GREB1: variants seen among roughly 807,000 people sequenced by gnomAD.
The protein encoded by GREB1 is growth regulating estrogen receptor binding 1.
A neutral mutation model predicts 200.7 loss-of-function variants in GREB1; 106 were observed. The ratio of observed to expected loss-of-function variants is 0.53; its 90% CI spans 0.45 to 0.62. The LOEUF (loss-of-function observed/expected upper bound fraction) is 0.62, where lower values mean the gene tolerates loss of function less well. GREB1 is among the 20% of genes least tolerant of loss of function. GREB1 has a pLI of 0.00. For missense variants in GREB1, 2,243 were observed against 2,556.8 expected (o/e 0.88, Z 2.65); for synonymous variants, 1,132 against 1,092.4 (o/e 1.04, Z -0.72).
intron 1 of GREB1, among the ~76,000 whole-genome samples, chr2:11,555,171 T>C (rs1234623099): frequency 3.3e-5 from 5 of 152,176 alleles, no homozygotes; most frequent in African/African-American, 1.2e-4. Context: ...AAGTACAAGT[T>C]AAACCAAAGG....
In GREB1 at chr2:11,548,956, C is replaced by G. The variant is rs6710534; in HGVS notation, c.-161-7498C>G. Among the ~76,000 whole-genome samples, 27,006 of 152,090 alleles carry G rather than the reference C, an allele frequency of 0.18. 4,163 individuals carry two copies. The highest frequency in any genetic ancestry group is 0.42 in the African/African-American group (17,474 of 41,434). ...ATTATTTCATTATTTCCAATGTCCA[C>G]TATTGCTGTTGAGAAATCCAAAGTC... On this transcript the variant is annotated intron_variant, in intron 1 of 32. Transcript: ENST00000381486. The surrounding 1 kb of genome is among the most constrained non-coding windows in gnomAD (Gnocchi z 5.1).
intron 1 of GREB1, among the ~76,000 whole-genome samples, chr2:11,524,191 G>T (rs899613611): frequency 9.2e-5 from 14 of 152,180 alleles, no homozygotes; most frequent in African/African-American, 3.1e-4. Context: ...GGTGTTAGTT[G>T]TAGAAGACAA....
rs1229212862 is a variant in GREB1, at chr2:11,581,152, G to A, written c.901+320G>A. ...TTGGAGCAATAGTGGGCAGTGTGTT[G>A]TTGGGGAAGAACATGGGCTTCTGAA... is the stretch of plus-strand genomic sequence containing the variant. On this transcript the variant is annotated intron_variant, in intron 7 of 32. Transcript: ENST00000381486. 6.8e-6 allele frequency: 4 copies of A among 585,740 alleles called. No homozygotes were observed. In the East Asian group the frequency reaches 1.1e-4, roughly 16 times the overall value. 36.3% of individuals were successfully genotyped at this position (585,740 alleles called of 1,614,324 possible). A position where few individuals can be genotyped will look rare whatever the true frequency, so the allele number is the denominator to read the frequency against.
At chr2:11,552,928 T>A (rs974074784) in intron 1 of GREB1, among the ~76,000 whole-genome samples, 1 of 145,314 alleles carries the variant, frequency 6.9e-6, no homozygotes, top group Non-Finnish European at 1.5e-5. Flanking sequence ...GAGAATGGCG[T>A]GAACCCGGGA....
intron 23 of GREB1, among the ~76,000 whole-genome samples, chr2:11,624,913 A>G (rs1032399239): frequency 1.3e-5 from 2 of 152,286 alleles, no homozygotes; most frequent in Non-Finnish European, 2.9e-5. Flanking sequence ...GGAATCCAAA[A>G]GAGTGGACAC....
chr2:11,575,087 G>A (rs941897125), intron 4 of GREB1, among the ~76,000 whole-genome samples: 5 of 152,216 alleles, frequency 3.3e-5, no homozygotes, highest in Admixed American at 3.3e-4. Flanking sequence ...GAGTTATTCT[G>A]AACACTAGCC....
intron 1 of GREB1, among the ~76,000 whole-genome samples, chr2:11,546,153 G>C (rs1473708667): frequency 6.6e-6 from 1 of 151,782 alleles, no homozygotes; most frequent in East Asian, 1.9e-4. Flanking sequence ...CTCAAGCCTG[G>C]GTGACAGAGC....
chr2:11,499,886 C>T (rs1049030315), intron 1 of GREB1, among the ~76,000 whole-genome samples: 1 of 152,140 alleles, frequency 6.6e-6, no homozygotes, highest in East Asian at 1.9e-4. Context: ...TTAGTATCTG[C>T]AGATATCAGA....
At chr2:11,555,639 G>T (rs553862210) in intron 1 of GREB1, among the ~76,000 whole-genome samples, 1 of 152,242 alleles carries the variant, frequency 6.6e-6, no homozygotes, top group South Asian at 2.1e-4. Context: ...AAAAGACCTC[G>T]TACTGAATGA....
At chr2:11,484,102 C>T (rs2148389878) in intron 1 of GREB1, among the ~76,000 whole-genome samples, 1 of 152,268 alleles carries the variant, frequency 6.6e-6, no homozygotes, top group South Asian at 2.1e-4. Context: ...TGGTTTGTAG[C>T]ACTTTGTTAT....
At chr2:11,509,560 G>A (rs569176960) in intron 1 of GREB1, among the ~76,000 whole-genome samples, 1 of 152,176 alleles carries the variant, frequency 6.6e-6, no homozygotes, top group Admixed American at 6.5e-5. Flanking sequence ...TCCAGTTAAT[G>A]TTTGCTACGG....
Position 11,489,505 on chromosome 2 carries a change from C to A in GREB1, c.-159+7124C>A, listed in dbSNP as rs75041424. On this transcript the variant is annotated intron_variant, in intron 1 of 2. Transcript: ENST00000628795. ...AGAATGCTACTTTGAAGTCTTGCCC[C>A]CAAATGTAGGAGACAAAAGATCATT... Among the ~76,000 whole-genome samples, 1,352 of 152,120 alleles carry A rather than the reference C, an allele frequency of 8.9e-3. 20 individuals carry two copies. Among genetic ancestry groups the A allele is most frequent in the African/African-American group, 0.031 (1,303 of 41,500 alleles).
intron 1 of GREB1, among the ~76,000 whole-genome samples, chr2:11,483,077 G>C (rs1423937449): frequency 2.0e-5 from 3 of 151,882 alleles, no homozygotes; most frequent in African/African-American, 7.2e-5. Context: ...GCCGGACGCG[G>C]GCACTTCCTG....
At chr2:11,616,300 C>T (rs1034310414) in intron 20 of GREB1, among the ~76,000 whole-genome samples, 10 of 152,350 alleles carry the variant, frequency 6.6e-5, no homozygotes, top group Admixed American at 4.6e-4. Flanking sequence ...CCCTTCAGGG[C>T]GACGGCCAGA....
chr2:11,553,605 A>G (rs1023848024), intron 1 of GREB1, among the ~76,000 whole-genome samples: 1 of 151,010 alleles, frequency 6.6e-6, no homozygotes, highest in Middle Eastern at 3.4e-3. Flanking sequence ...TCTGCCGGCT[A>G]TGTATCTCTA....
chr2:11,560,458 T>C (rs781241031), intron 2 of GREB1, among the ~76,000 whole-genome samples: 54 of 152,248 alleles, frequency 3.5e-4, no homozygotes, highest in Non-Finnish European at 6.0e-4. Flanking sequence ...CTCAGCACTT[T>C]GGGAGGCCGA....
At position 11,588,728 on chromosome 2, in the gene GREB1, G is replaced by A. The variant is rs72772076; in HGVS notation, c.1160-18G>A. On this transcript the variant is annotated intron_variant, in intron 9 of 32. Transcript: ENST00000381486. ...TGTGCACAAGACTGGGTGCCAAGTC[G>A]CTGCTGTTCCTCTGCAGGCCATGGG... The A allele has an allele frequency of 0.083, 134,140 of 1,611,024 alleles. 6,515 individuals are homozygous for A. Among genetic ancestry groups the A allele is most frequent in the Non-Finnish European group, 0.1 (117,199 of 1,177,090 alleles).
At chr2:11,529,210 G>A (rs575110445), upstream of GREB1, among the ~76,000 whole-genome samples, 1 of 152,312 alleles carries the variant, frequency 6.6e-6, no homozygotes, top group South Asian at 2.1e-4. Context: ...GGAATCTATT[G>A]TAGGGCAGGG....
rs1572720223 is a variant in GREB1, at chr2:11,564,701, T to C, written c.278-1779T>C. On this transcript the variant is annotated intron_variant, in intron 3 of 32. Transcript: ENST00000381486. ...TTAGGGGACCCCCTGGGGATTGACC[T>C]TGACCTCAGGGAATTGACCTCCCTT... 2.0e-5 allele frequency among the ~76,000 whole-genome samples: 3 copies of C among 152,352 alleles called. 1 individual carries two copies. Among genetic ancestry groups the C allele is most frequent in the African/African-American group, 2.4e-5 (1 of 41,590 alleles).
Sources: gnomAD v4.1 joint callset for allele counts (sites outside exome capture counted in the v4.1 genomes callset) on GRCh38, gnomAD v4.1.1 for gene constraint, Gnocchi (gnomAD v3.1) non-coding constraint, MANE v1.5 for transcripts, NCBI Gene and HGNC (gene_info 2026-07-23, HGNC 2026-07-21) for gene names.